WDR88: variants seen among roughly 807,000 people sequenced by gnomAD.
The protein encoded by WDR88 is WD repeat-containing protein 88.
Under a neutral mutation model 46.8 loss-of-function variants are expected in WDR88, and 40 were observed. The observed-to-expected ratio is 0.86, with a 90% CI of 0.66 to 1.11. WDR88 has a LOEUF of 1.11. Among genes scored for constraint, WDR88 ranks in the 50% most tolerant of loss-of-function variants. The pLI is 0.00. For missense variants in WDR88, 562 were observed against 602.4 expected, an observed-to-expected ratio of 0.93 and a Z score of 0.70; for synonymous variants, 235 against 240.7, an observed-to-expected ratio of 0.98 and a Z score of 0.22.
intron 7 of WDR88, among the ~76,000 whole-genome samples, chr19:33,158,435 A>T (rs1044550348): frequency 6.6e-6 from 1 of 152,128 alleles, no homozygotes; most frequent in African/African-American, 2.4e-5. Context: ...CAAAAAAAGA[A>T]AAAAAGAAAG....
At chr19:33,163,033 A>G (rs953616896) in intron 8 of WDR88, among the ~76,000 whole-genome samples, 2 of 152,118 alleles carry the variant, frequency 1.3e-5, no homozygotes, top group African/African-American at 2.4e-5. Flanking sequence ...CTCCATCTCT[A>G]TTAAAAATAC....
In WDR88 at chr19:33,167,758, CCTCCTCTCTCCT is replaced by C. The variant is rs552449105; in HGVS notation, c.1149+3509_1149+3520del. ...CCTCCTCTTTTCTCTTCTCTCCTCT[CCTCCTCTCTCCT>C]CTCCTCTCTCCTCTCTCTTTCTCTC... On this transcript the variant is annotated intron_variant, in intron 9 of 10. Coordinates refer to ENST00000355868, the MANE Select transcript of WDR88 (RefSeq NM_173479.4). 6.4e-4 allele frequency among the ~76,000 whole-genome samples: 97 copies of C among 151,324 alleles called. 2 individuals carry two copies. The highest frequency in any genetic ancestry group is 4.8e-3 in the South Asian group (23 of 4,780).
chr19:33,174,635 A>G (rs1329527723), intron 10 of WDR88: 1 of 985,362 alleles, frequency 1.0e-6, no homozygotes, highest in Non-Finnish European at 1.2e-6. Context: ...TTGTTCAGAA[A>G]TCTTGCCTAC....
chr19:33,156,316 C>T, intron 6 of WDR88, 39 bp from the exon 7 acceptor site: 2 of 1,593,246 alleles, frequency 1.3e-6, no homozygotes, highest in Non-Finnish European at 8.6e-7. Context: ...CCTCCAGGAG[C>T]AAAGCGCTAA....
chr19:33,166,962 G>C (rs1210408202), intron 9 of WDR88, among the ~76,000 whole-genome samples: 1 of 152,034 alleles, frequency 6.6e-6, no homozygotes, highest in African/African-American at 2.4e-5. Flanking sequence ...ATATTCTTAA[G>C]ATATATAGAG....
chr19:33,170,710 A>G (rs1484798332), intron 9 of WDR88, among the ~76,000 whole-genome samples: 1 of 152,008 alleles, frequency 6.6e-6, no homozygotes, highest in Non-Finnish European at 1.5e-5. Context: ...AAAATACAAA[A>G]TATTAGTGGG....
chr19:33,136,230 T>C (rs1201336145), intron 1 of WDR88, among the ~76,000 whole-genome samples: 6 of 151,892 alleles, frequency 4.0e-5, no homozygotes, highest in Admixed American at 3.3e-4. Flanking sequence ...TAATTTTGTA[T>C]TTTTAGTAGA....
chr19:33,172,544 GA>G, intron 10 of WDR88, 104 bp downstream of exon 10: 1 of 923,334 alleles, frequency 1.1e-6, no homozygotes, highest in Non-Finnish European at 1.6e-6. Context: ...ATGCAATCGT[GA>G]ACAAACAGAC....
chr19:33,175,012 A>G, intron 10 of WDR88: 1 of 985,186 alleles, frequency 1.0e-6, no homozygotes, highest in East Asian at 1.1e-4. Context: ...AGGTGGGTGG[A>G]TCACTTGAGG....
intron 9 of WDR88, among the ~76,000 whole-genome samples, chr19:33,166,215 C>A (rs1333126807): frequency 7.0e-6 from 1 of 143,490 alleles, no homozygotes; most frequent in Non-Finnish European, 1.5e-5. Context: ...GAGGTCGAGG[C>A]TGCAGTGAGT....
intron 7 of WDR88, 51 bp from the exon 8 acceptor site, chr19:33,160,363 C>G (rs1490393758): frequency 6.3e-7 from 1 of 1,598,216 alleles, no homozygotes; most frequent in African/African-American, 1.3e-5. Flanking sequence ...TTTGGGCTCA[C>G]TTGGCTTGGA....
At chr19:33,148,110 T>C (rs1010128647) in intron 4 of WDR88, among the ~76,000 whole-genome samples, 1 of 152,048 alleles carries the variant, frequency 6.6e-6, no homozygotes, top group Non-Finnish European at 1.5e-5. Flanking sequence ...ACAAAGGCCA[T>C]GTGCCCCCAA....
chr19:33,132,400 G>A lies in WDR88; in HGVS notation c.231G>A (p.Gln77=), dbSNP rs1316561716. 1 of 1,614,158 alleles carries A rather than the reference G, an allele frequency of 6.2e-7. No homozygotes were observed. The highest frequency in any genetic ancestry group is 1.1e-5 in the South Asian group (1 of 91,088). Residue 77 remains glutamine (Q), a synonymous_variant, in exon 1 of 11, where the codon CAG becomes CAA. Transcript: ENST00000355868. The part of the protein sequence containing the change: ...PPPHLLPEKH[Q]VPEKLIWGDQ... ...CGCATCTGTTGCCTGAGAAGCACCA[G>A]GTGCCGGAGAAATTGATCTGGGGCG...
At chr19:33,141,317 C>T (rs1172904657) in intron 2 of WDR88, among the ~76,000 whole-genome samples, 1 of 149,670 alleles carries the variant, frequency 6.7e-6, no homozygotes, top group Non-Finnish European at 1.5e-5. Context: ...GCAGCCTCAA[C>T]CTCCTGGGCT....
chr19:33,143,498 G>A (rs990864077), intron 2 of WDR88, among the ~76,000 whole-genome samples: 2 of 151,836 alleles, frequency 1.3e-5, no homozygotes, highest in African/African-American at 4.8e-5. Flanking sequence ...AAAAAAATTA[G>A]CCAGGCGTGG....
intron 9 of WDR88, among the ~76,000 whole-genome samples, chr19:33,166,613 T>C (rs1359588780): frequency 6.7e-6 from 1 of 150,344 alleles, no homozygotes; most frequent in Non-Finnish European, 1.5e-5. Context: ...AAAAAATTAT[T>C]GAATATTTAA....
In WDR88 at chr19:33,148,764, C is replaced by T. The variant is rs768798103; in HGVS notation, c.541-8C>T. 95 of 1,614,066 alleles carry T rather than the reference C, an allele frequency of 5.9e-5. No individual in the cohort carries two copies. In the Middle Eastern group the frequency reaches 9.9e-4, roughly 17 times the overall value. On this transcript the variant is annotated splice_polypyrimidine_tract_variant and splice_region_variant and intron_variant, in intron 4 of 10. Coordinates refer to ENST00000355868, the MANE Select transcript of WDR88 (RefSeq NM_173479.4). ...TAAAACAACCTTTTGATTGCTGGCT[C>T]ATTTCAGTGGAAGGTCAGGTATGAT...
chr19:33,147,691 G>T lies in WDR88; in HGVS notation c.523G>T (p.Glu175Ter). The change falls in exon 4 of 11, where the codon GAG becomes TAG. Residue 175 changes from glutamate (E) to a stop codon, truncating the protein, a stop_gained. Transcript: ENST00000355868. LOFTEE classifies it high-confidence loss of function. ...YDKTVRAWDLETGKLLWKVRY... is the reference protein window; with the variant it reads ...YDKTVRAWDL Reference sequence around the variant, plus strand: ...TAAGACAGTGAGGGCCTGGGACCTGGAGACAGGCAAGCTGCTGGTACGTAT... The same window carrying T: ...TAAGACAGTGAGGGCCTGGGACCTGTAGACAGGCAAGCTGCTGGTACGTAT... 1 of 1,614,030 alleles carries T rather than the reference G, an allele frequency of 6.2e-7. No homozygotes were observed. Among genetic ancestry groups the T allele is most frequent in the South Asian group, 1.1e-5 (1 of 91,066 alleles).
At chr19:33,147,602 C>CA (rs762362821) in intron 3 of WDR88, 43 bp from the exon 4 acceptor site, 155 of 1,588,766 alleles carry the variant, frequency 9.8e-5, no homozygotes, top group Non-Finnish European at 1.1e-4. Context: ...CACCCTGTCT[C>CA]AAAAAAAAGA....
Sources: allele counts gnomAD v4.1 joint callset (sites outside exome capture counted in the v4.1 genomes callset), GRCh38; gene constraint gnomAD v4.1.1; transcripts MANE v1.5; gene names NCBI Gene and HGNC (gene_info 2026-07-23, HGNC 2026-07-21).